The following IGF1R variants were observed in gnomAD, a reference collection of about 807,000 sequenced individuals.
IGF1R encodes the protein insulin like growth factor 1 receptor, also known as insulin-like growth factor 1 receptor.
Under a neutral mutation model 144.6 loss-of-function variants are expected in IGF1R, and 44 were observed. The ratio of observed to expected loss-of-function variants is 0.30; its 90% confidence interval spans 0.24 to 0.39. The LOEUF (loss-of-function observed/expected upper bound fraction) is 0.39, where lower values mean the gene tolerates loss of function less well. IGF1R is among the 10% of genes least tolerant of loss of function. IGF1R has a pLI of 1.00. For synonymous variants in IGF1R, 795 were observed against 722.8 expected (o/e 1.10, Z -1.60); for missense variants, 1,355 against 1,833.7 (o/e 0.74, Z 4.77).
intron 2 of IGF1R, among the ~76,000 whole-genome samples, chr15:98,816,147 C>T (rs1408387638): frequency 2.0e-5 from 3 of 152,156 alleles, no homozygotes; most frequent in Non-Finnish European, 4.4e-5. Flanking sequence ...TCAGAAGCTT[C>T]TGGAGTCTTC....
At position 98,652,807 on chromosome 15, in the gene IGF1R, GT is replaced by G. The variant is rs370654563; in HGVS notation, c.94+3133del. On this transcript the variant is annotated intron_variant, in intron 1 of 20. Transcript: ENST00000650285. ...GGTGGGCACAGGGTTTCTTTTTGGG[GT>G]GATGAAAATTGTTCTAAAATTAGTT... Among the ~76,000 whole-genome samples the G allele has an allele frequency of 4.9e-4, 74 of 152,246 alleles. No individual in the cohort carries two copies. In the East Asian group the frequency reaches 5.8e-3, roughly 12 times the overall value.
chr15:98,851,956 A>C (rs1026422735), intron 2 of IGF1R, among the ~76,000 whole-genome samples: 14 of 152,354 alleles, frequency 9.2e-5, no homozygotes, highest in African/African-American at 3.4e-4. Context: ...TTAATGGCGT[A>C]TTGTGTGAAT....
intron 2 of IGF1R, among the ~76,000 whole-genome samples, chr15:98,760,564 G>C (rs899206908): frequency 6.6e-6 from 1 of 152,212 alleles, no homozygotes; most frequent in African/African-American, 2.4e-5. Context: ...ATGGGTACTT[G>C]TGTGTCTCCA....
intron 20 of IGF1R, among the ~76,000 whole-genome samples, chr15:98,949,264 G>A (rs1193170617): frequency 6.6e-6 from 1 of 152,076 alleles, no homozygotes; most frequent in Non-Finnish European, 1.5e-5. Context: ...AACCATCTAA[G>A]TAACATGCTC....
chr15:98,692,826 T>C (rs1193534876), intron 1 of IGF1R, among the ~76,000 whole-genome samples: 1 of 152,110 alleles, frequency 6.6e-6, no homozygotes, highest in Non-Finnish European at 1.5e-5. Context: ...TGCTTGATGG[T>C]ATGGGGACAT....
chr15:98,651,134 ATCACGACTGAGCCT>A (rs2052353884), intron 1 of IGF1R: 1 of 892,046 alleles, frequency 1.1e-6, no homozygotes. Context: ...CTTTGAAAAA[ATCACGACTGAGCCT>A]TCACGAGTGA....
At chr15:98,815,230 C>CGA (rs2056671431) in intron 2 of IGF1R, among the ~76,000 whole-genome samples, 3 of 152,244 alleles carry the variant, frequency 2.0e-5, no homozygotes, top group Non-Finnish European at 2.9e-5. Context: ...CAGCTCTCTT[C>CGA]TGGTGAAAGA....
At chr15:98,772,581 C>T (rs1005880019) in intron 2 of IGF1R, among the ~76,000 whole-genome samples, 2 of 151,128 alleles carry the variant, frequency 1.3e-5, no homozygotes, top group East Asian at 1.9e-4. Flanking sequence ...ACTGAAGCCT[C>T]GAACTCCTGG....
Position 98,935,446 on chromosome 15 carries a change from G to T in IGF1R, c.3297+20G>T, listed in dbSNP as rs369416075. The T allele has an allele frequency of 3.4e-5, 46 of 1,340,422 alleles. No individual in the cohort carries two copies. Among genetic ancestry groups the T allele is most frequent in the Admixed American group, 2.2e-4 (11 of 50,770 alleles). 83.0% of individuals were successfully genotyped at this position (1,340,422 alleles called of 1,614,324 possible). A position where few individuals can be genotyped will look rare whatever the true frequency, so the allele number is the denominator to read the frequency against. On this transcript the variant is annotated intron_variant, in intron 17 of 20. Coordinates refer to ENST00000650285, the MANE Select transcript of IGF1R (RefSeq NM_000875.5). The surrounding 1 kb of genome is among the most constrained non-coding windows in gnomAD (Gnocchi z 4.2). ...ATGGAGGTCAGTTTTCATTTCCACC[G>T]GTATTGCATGTTGCCTGGCCTGCTC...
chr15:98,661,258 A>G (rs901791897), intron 1 of IGF1R, among the ~76,000 whole-genome samples: 12 of 151,868 alleles, frequency 7.9e-5, no homozygotes, highest in African/African-American at 2.9e-4. Context: ...ACCCTCTCCA[A>G]CCCTGCCGGT....
chr15:98,800,547 C>G (rs1193034865), intron 2 of IGF1R, among the ~76,000 whole-genome samples: 1 of 152,148 alleles, frequency 6.6e-6, no homozygotes, highest in African/African-American at 2.4e-5. Context: ...GAGTGTGACT[C>G]AGCAGATGGG....
chr15:98,833,388 A>G (rs150558815), intron 2 of IGF1R, among the ~76,000 whole-genome samples: 302 of 152,274 alleles, frequency 2.0e-3, no homozygotes, highest in African/African-American at 7.0e-3. Context: ...GCAGGTAGAC[A>G]CCTTCCTAAT....
At chr15:98,664,741 C>A (rs1285297749) in intron 1 of IGF1R, among the ~76,000 whole-genome samples, 1 of 149,868 alleles carries the variant, frequency 6.7e-6, no homozygotes, top group African/African-American at 2.5e-5. Context: ...GTTACCAATA[C>A]TTCATGAGTG....
At chr15:98,677,943 A>G (rs1218587066) in intron 1 of IGF1R, among the ~76,000 whole-genome samples, 1 of 152,170 alleles carries the variant, frequency 6.6e-6, no homozygotes, top group East Asian at 1.9e-4. Flanking sequence ...GAATTGTTAC[A>G]TGTTGATTAC....
chr15:98,853,568 A>T (rs189052295), intron 2 of IGF1R, among the ~76,000 whole-genome samples: 1 of 152,350 alleles, frequency 6.6e-6, no homozygotes, highest in East Asian at 1.9e-4. Flanking sequence ...AAAATAATCT[A>T]TGAAGATGGT....
chr15:98,791,142 T>G (rs1350059659), intron 2 of IGF1R, among the ~76,000 whole-genome samples: 1 of 152,228 alleles, frequency 6.6e-6, no homozygotes, highest in Non-Finnish European at 1.5e-5. Flanking sequence ...AAATGCCTAA[T>G]ACATTATTGA....
chr15:98,938,721 G>C (rs1357121840), intron 17 of IGF1R, among the ~76,000 whole-genome samples: 1 of 152,128 alleles, frequency 6.6e-6, no homozygotes, highest in East Asian at 1.9e-4. Context: ...TTATAACGAT[G>C]CTCTTATGGG....
chr15:98,959,268 T>A lies in IGF1R; in HGVS notation c.*1826T>A, dbSNP rs992315019. 2.3e-4 allele frequency: 53 copies of A among 233,474 alleles called. No individual in the cohort carries two copies. The highest frequency in any genetic ancestry group is 1.5e-4 in the Non-Finnish European group (18 of 117,962). The allele number at this position is 233,474 out of a possible 1,614,324, so 14.5% of individuals were successfully genotyped here. A position where few individuals can be genotyped will look rare whatever the true frequency, so the allele number is the denominator to read the frequency against. ...CAGACACTAGGCATTTGGATTACTA[T>A]TTTTCTTAATGGCTATTTAATCCTT... On this transcript the variant is annotated 3_prime_UTR_variant, in exon 21 of 21. Transcript: ENST00000650285.
chr15:98,943,110 C>T (rs1596476290), intron 19 of IGF1R, 58 bp downstream of exon 19: 1 of 1,592,290 alleles, frequency 6.3e-7, no homozygotes, highest in African/African-American at 1.3e-5. Flanking sequence ...CACTTTCCAC[C>T]AGCTCAGTCT....
Sources: gnomAD v4.1 joint callset for allele counts (sites outside exome capture counted in the v4.1 genomes callset) on GRCh38, gnomAD v4.1.1 for gene constraint, Gnocchi (gnomAD v3.1) non-coding constraint, MANE v1.5 for transcripts, NCBI Gene and HGNC (gene_info 2026-07-23, HGNC 2026-07-21) for gene names.